Variants in CDH4 observed in about 807,000 individuals in gnomAD.
CDH4 encodes cadherin-4.
Under a neutral mutation model 86.0 loss-of-function variants are expected in CDH4, and 33 were observed. The ratio of observed to expected loss-of-function variants is 0.38; its 90% CI spans 0.29 to 0.51. The LOEUF (loss-of-function observed/expected upper bound fraction) is 0.51, where lower values mean the gene tolerates loss of function less well. Ranked by LOEUF, CDH4 falls within the 20% of genes least tolerant of loss-of-function variation. The pLI, the probability that CDH4 is intolerant of heterozygous loss-of-function variation, is 0.86. For missense variants in CDH4, 1,114 were observed against 1,307.4 expected, an observed-to-expected ratio of 0.85 and a Z score of 2.28; for synonymous variants, 555 against 549.4, an observed-to-expected ratio of 1.01 and a Z score of -0.14.
Position 61,743,679 on chromosome 20 carries a change from G to T in CDH4, c.286G>T (p.Glu96Ter). 1.2e-6 allele frequency: 2 copies of T among 1,606,256 alleles called. No individual in the cohort carries two copies. The highest frequency in any genetic ancestry group is 1.7e-5 in the Admixed American group (1 of 59,010). ...FATRELQVPS[E>*]QVAFTVTAWD... ...CACCCGGGAGCTGCAGGTCCCCTCC[G>T]AGCAGGTGGCGTTCACGGTGACTGC... Residue 96 changes from glutamate (E) to a stop codon, truncating the protein, a stop_gained, in exon 3 of 16, where the codon GAG becomes TAG. Transcript: ENST00000614565. LOFTEE classifies it high-confidence loss of function.
intron 2 of CDH4, among the ~76,000 whole-genome samples, chr20:61,566,516 C>T (rs1021566643): frequency 1.3e-5 from 2 of 152,112 alleles, no homozygotes; most frequent in African/African-American, 4.8e-5. Context: ...CTTCAAGTGT[C>T]TCCTTCCATG....
At chr20:61,738,087 G>T (rs2088287349) in intron 2 of CDH4, 1 of 152,258 alleles carries the variant, frequency 6.6e-6, no homozygotes, top group South Asian at 2.1e-4. Flanking sequence ...CCTCCTTGGG[G>T]CAGGCGGTGC....
At chr20:61,456,770 A>G (rs553236863) in intron 2 of CDH4, among the ~76,000 whole-genome samples, 5 of 152,166 alleles carry the variant, frequency 3.3e-5, no homozygotes, top group Non-Finnish European at 7.3e-5. Context: ...TTTAGAGCAG[A>G]AAGTGTGTTC....
chr20:61,560,592 C>T (rs1186093994), intron 2 of CDH4, among the ~76,000 whole-genome samples: 3 of 152,204 alleles, frequency 2.0e-5, no homozygotes, highest in Non-Finnish European at 4.4e-5. Flanking sequence ...TGCACTCCAG[C>T]GCCTTCATGT....
chr20:61,802,804 C>T (rs928577897), intron 4 of CDH4, among the ~76,000 whole-genome samples: 9 of 152,190 alleles, frequency 5.9e-5, no homozygotes, highest in African/African-American at 1.9e-4. Context: ...CTTCCCACCA[C>T]GGGGCCCTGT....
At chr20:61,296,362 C>T (rs1433484695) in intron 2 of CDH4, among the ~76,000 whole-genome samples, 3 of 151,706 alleles carry the variant, frequency 2.0e-5, no homozygotes, top group Non-Finnish European at 2.9e-5. Context: ...CGATCTACTA[C>T]CTGCCTGACT....
chr20:61,777,308 G>T (rs375090367), intron 4 of CDH4, among the ~76,000 whole-genome samples: 1 of 152,164 alleles, frequency 6.6e-6, no homozygotes, highest in African/African-American at 2.4e-5. Context: ...GTTGTGCTGG[G>T]CACCCATCAG....
At chr20:61,338,798 A>C (rs2084633594) in intron 2 of CDH4, among the ~76,000 whole-genome samples, 1 of 152,220 alleles carries the variant, frequency 6.6e-6, no homozygotes, top group Non-Finnish European at 1.5e-5. Flanking sequence ...GGCGAAGATA[A>C]TATTGTAAGG....
intron 2 of CDH4, among the ~76,000 whole-genome samples, chr20:61,700,126 C>T (rs1197013280): frequency 2.0e-5 from 3 of 152,164 alleles, no homozygotes; most frequent in Non-Finnish European, 4.4e-5. Flanking sequence ...CTCAAAGGTC[C>T]CAGAGGGTGG....
chr20:61,372,191 A>T (rs1015391814), intron 2 of CDH4, among the ~76,000 whole-genome samples: 2 of 151,662 alleles, frequency 1.3e-5, no homozygotes, highest in African/African-American at 4.8e-5. Flanking sequence ...TGAAAGCCAA[A>T]CTCCATGTCT....
At chr20:61,838,993 A>G (rs370398921) in intron 4 of CDH4, among the ~76,000 whole-genome samples, 6 of 152,122 alleles carry the variant, frequency 3.9e-5, no homozygotes, top group African/African-American at 1.4e-4. Flanking sequence ...TACTCCATGG[A>G]GAGAGGGGAA....
Position 61,902,870 on chromosome 20 carries a change from A to C in CDH4, c.1189-7552A>C, listed in dbSNP as rs1200257027. Among the ~76,000 whole-genome samples, 1 of 152,102 alleles carries C rather than the reference A, an allele frequency of 6.6e-6. No homozygotes were observed. Among genetic ancestry groups the C allele is most frequent in the African/African-American group, 2.4e-5 (1 of 41,402 alleles). ...GAGAGCTGATTAAAAATCTCACACC[A>C]CACACAGCAGAGGTGGCACAGGCCT... On this transcript the variant is annotated intron_variant, in intron 8 of 15. Transcript: ENST00000614565. This position sits in a 1 kb window ranked among gnomAD's most constrained non-coding sequence, Gnocchi z 4.6.
intron 2 of CDH4, among the ~76,000 whole-genome samples, chr20:61,482,882 G>A (rs1329563528): frequency 6.6e-6 from 1 of 152,230 alleles, no homozygotes; most frequent in Non-Finnish European, 1.5e-5. Flanking sequence ...TCCGCCCTGT[G>A]TGGTACCTCA....
intron 2 of CDH4, among the ~76,000 whole-genome samples, chr20:61,346,825 C>T (rs975502698): frequency 1.1e-4 from 16 of 152,140 alleles, no homozygotes; most frequent in Admixed American, 3.9e-4. Context: ...CCAGGCTCTG[C>T]GCTATGCAGG....
At chr20:61,276,715 A>G (rs2084233549) in intron 2 of CDH4, among the ~76,000 whole-genome samples, 1 of 152,132 alleles carries the variant, frequency 6.6e-6, no homozygotes, top group Admixed American at 6.5e-5. Flanking sequence ...TGGGCAGTGG[A>G]GATTCCATCA....
rs1480775602 is a variant in CDH4, at chr20:61,252,408, G to GGCGGCGGCGGCGATCGGA, written c.-95_-78dup. On this transcript the variant is annotated 5_prime_UTR_variant, in exon 1 of 16. Coordinates refer to ENST00000614565, the MANE Select transcript of CDH4 (RefSeq NM_001794.5). This position sits in a 1 kb window ranked among gnomAD's most constrained non-coding sequence, Gnocchi z 4.4. Reference sequence around the variant, plus strand: ...CTCCGGGCAGGCGCGGGGGAGCGGCGGCGGCGGCGGCGATCGGAGCGGCGG... The same window carrying GGCGGCGGCGGCGATCGGA: ...CTCCGGGCAGGCGCGGGGGAGCGGCGGCGGCGGCGGCGATCGGAGCGGCGGCGGCGATCGGAGCGGCGG... 4.9e-5 allele frequency: 20 copies of GGCGGCGGCGGCGATCGGA among 407,692 alleles called. No individual in the cohort carries two copies. The highest frequency in any genetic ancestry group is 6.2e-5 in the Non-Finnish European group (19 of 305,358). The allele number at this position is 407,692 out of a possible 1,614,324, so 25.3% of individuals were successfully genotyped here. A position where few individuals can be genotyped will look rare whatever the true frequency, so the allele number is the denominator to read the frequency against.
intron 2 of CDH4, among the ~76,000 whole-genome samples, chr20:61,373,843 G>T (rs572112129): frequency 6.6e-6 from 1 of 152,342 alleles, no homozygotes; most frequent in Admixed American, 6.5e-5. Flanking sequence ...ATGCACAGCA[G>T]CTTGAAGAAG....
At chr20:61,300,132 T>C (rs1317436662) in intron 2 of CDH4, among the ~76,000 whole-genome samples, 1 of 151,878 alleles carries the variant, frequency 6.6e-6, no homozygotes, top group Non-Finnish European at 1.5e-5. Context: ...GAGCTTACGG[T>C]GGCATGGGGA....
chr20:61,849,351 G>A (rs531886579), intron 5 of CDH4, among the ~76,000 whole-genome samples: 3 of 152,354 alleles, frequency 2.0e-5, no homozygotes, highest in African/African-American at 7.2e-5. Context: ...CAGCAGGGGT[G>A]TGTTAGTTCT....
Sources: gnomAD v4.1 joint callset for allele counts (sites outside exome capture counted in the v4.1 genomes callset) on GRCh38, gnomAD v4.1.1 for gene constraint, Gnocchi (gnomAD v3.1) non-coding constraint, MANE v1.5 for transcripts, NCBI Gene and HGNC (gene_info 2026-07-23, HGNC 2026-07-21) for gene names.